Variants in SLIT1 observed in about 807,000 individuals in gnomAD.
The protein encoded by SLIT1 is slit homolog 1 protein.
Under a neutral mutation model 186.1 loss-of-function variants are expected in SLIT1, and 66 were observed. That is an observed-to-expected ratio of 0.35 (90% CI 0.29 to 0.44). The LOEUF (loss-of-function observed/expected upper bound fraction) is 0.44, where lower values mean the gene tolerates loss of function less well. Ranked by LOEUF, SLIT1 falls within the 20% of genes least tolerant of loss-of-function variation. SLIT1 has a pLI of 1.00. For missense variants in SLIT1, 1,638 were observed against 2,037.4 expected (o/e 0.80, Z 3.77); for synonymous variants, 761 against 833.8 (o/e 0.91, Z 1.50).
chr10:97,065,146 A>G (rs907633476), intron 5 of SLIT1, among the ~76,000 whole-genome samples: 40 of 24,094 alleles, frequency 1.7e-3, no homozygotes, highest in African/African-American at 2.3e-3. Context: ...CTACACACAC[A>G]CACACACACA....
chr10:97,080,992 C>A (rs536311898), intron 4 of SLIT1, among the ~76,000 whole-genome samples: 2 of 152,336 alleles, frequency 1.3e-5, no homozygotes, highest in South Asian at 4.1e-4. Flanking sequence ...TGGACTGGCT[C>A]AAGCCAGGTG....
chr10:97,149,261 G>A (rs897436457), intron 4 of SLIT1, among the ~76,000 whole-genome samples: 10 of 152,224 alleles, frequency 6.6e-5, no homozygotes, highest in Admixed American at 6.5e-4. Context: ...GGAGACTCCC[G>A]TGCCGGCCCA....
At chr10:97,143,940 G>A (rs1589409771) in intron 4 of SLIT1, among the ~76,000 whole-genome samples, 1 of 152,228 alleles carries the variant, frequency 6.6e-6, no homozygotes, top group East Asian at 1.9e-4. Context: ...GCTCACACCT[G>A]TAATCCCAGC....
At chr10:97,145,901 G>A (rs540547638) in intron 4 of SLIT1, among the ~76,000 whole-genome samples, 1 of 152,298 alleles carries the variant, frequency 6.6e-6, no homozygotes, top group East Asian at 1.9e-4. Context: ...GGCAGGAACA[G>A]GCCCAAACGC....
At chr10:97,012,527 G>C (rs987925102) in intron 30 of SLIT1, among the ~76,000 whole-genome samples, 1 of 152,238 alleles carries the variant, frequency 6.6e-6, no homozygotes, top group African/African-American at 2.4e-5. Context: ...TGCCCTTCGT[G>C]ATTGAGGGGC....
At chr10:97,065,273 G>A (rs1848934515) in intron 5 of SLIT1, among the ~76,000 whole-genome samples, 1 of 152,106 alleles carries the variant, frequency 6.6e-6, no homozygotes, top group African/African-American at 2.4e-5. Flanking sequence ...GTGCCAAAGA[G>A]GTTGACTAGA....
At chr10:97,054,983 C>T (rs1024946473) in intron 13 of SLIT1, among the ~76,000 whole-genome samples, 6 of 152,044 alleles carry the variant, frequency 3.9e-5, no homozygotes, top group African/African-American at 1.4e-4. Context: ...TTTGGGAGGC[C>T]GAGGCAGGTG....
In SLIT1 at chr10:96,999,084, G is replaced by T. The variant is rs527477671; in HGVS notation, c.*2028C>A. 1.3e-5 allele frequency: 2 copies of T among 152,234 alleles called. No homozygotes were observed. Among genetic ancestry groups the T allele is most frequent in the African/African-American group, 2.4e-5 (1 of 41,438 alleles). 9.4% of individuals were successfully genotyped at this position (152,234 alleles called of 1,614,324 possible). A position where few individuals can be genotyped will look rare whatever the true frequency, so the allele number is the denominator to read the frequency against. ...TGAGCTTTTCTGCCCTATCCAGCCC[G>T]GTGCAGATGCTCTGCAGGGTCCCAC... On this transcript the variant is annotated 3_prime_UTR_variant, in exon 37 of 37. Transcript: ENST00000266058.
chr10:97,158,881 AG>A (rs201012486), intron 3 of SLIT1, among the ~76,000 whole-genome samples: 104 of 149,422 alleles, frequency 7.0e-4, no homozygotes, highest in Admixed American at 8.0e-4. Flanking sequence ...GTCTCAGAGA[AG>A]AAAAAAAAAG....
In SLIT1 at chr10:97,184,018, CCACACACACACACA is replaced by C. The variant is rs36000443; in HGVS notation, c.197+1446_197+1459del. ...ATTCACACACACACATACACATGCA[CCACACACACACACA>C]CACACACACACACACACACACACAC... On this transcript the variant is annotated intron_variant, in intron 1 of 36. Transcript: ENST00000266058. The surrounding 1 kb of genome is among the most constrained non-coding windows in gnomAD (Gnocchi z 4.4). Among the ~76,000 whole-genome samples the C allele has an allele frequency of 1.0e-3, 147 of 142,584 alleles. No individual in the cohort carries two copies. Among genetic ancestry groups the C allele is most frequent in the Non-Finnish European group, 1.6e-3 (103 of 65,678 alleles). The allele number at this position is 142,584 out of a possible 152,430, so 93.5% of individuals were successfully genotyped here.
chr10:97,014,126 G>A lies in SLIT1; in HGVS notation c.3002C>T (p.Thr1001Ile). ...CSCPTGFEGP[T>I]CGVNTDDCVD... ...ACAGTCATCTGTGTTCACCCCACAG[G>A]TTGGTCCTTCAAAGCCGGTGGGACA... is the stretch of plus-strand genomic sequence containing the variant. Residue 1001 changes from threonine to isoleucine, a missense_variant, in exon 29 of 37, where the codon ACC becomes ATC. Coordinates refer to ENST00000266058, the MANE Select transcript of SLIT1 (RefSeq NM_003061.3). 2 of 1,614,052 alleles carry A rather than the reference G, an allele frequency of 1.2e-6. No individual in the cohort carries two copies. The highest frequency in any genetic ancestry group is 1.7e-6 in the Non-Finnish European group (2 of 1,180,040).
At chr10:97,135,075 G>GA (rs1421978863) in intron 4 of SLIT1, among the ~76,000 whole-genome samples, 3 of 152,188 alleles carry the variant, frequency 2.0e-5, no homozygotes, top group Admixed American at 6.5e-5. Context: ...TGTTACAAAT[G>GA]AAAAAGTAAA....
At chr10:97,119,380 C>T (rs938722522) in intron 4 of SLIT1, among the ~76,000 whole-genome samples, 2 of 152,158 alleles carry the variant, frequency 1.3e-5, no homozygotes, top group African/African-American at 4.8e-5. Context: ...TGGCTGCTGC[C>T]TCCGTGTTCT....
In SLIT1 at chr10:97,068,447, C is replaced by T. The variant is rs986594604; in HGVS notation, c.414-2361G>A. On this transcript the variant is annotated intron_variant, in intron 4 of 36. Transcript: ENST00000266058. This position sits in a 1 kb window ranked among gnomAD's most constrained non-coding sequence, Gnocchi z 4.2. ...CCCAAACCCAGCCCCTCTGTCCTGT[C>T]CCCTCACAGCCTTTAGAAAAGCAGC... is the stretch of plus-strand genomic sequence containing the variant. 1.3e-5 allele frequency among the ~76,000 whole-genome samples: 2 copies of T among 152,102 alleles called. No homozygotes were observed. Among genetic ancestry groups the T allele is most frequent in the African/African-American group, 4.8e-5 (2 of 41,404 alleles).
chr10:97,078,406 G>T (rs1005833668), intron 4 of SLIT1, among the ~76,000 whole-genome samples: 3 of 152,110 alleles, frequency 2.0e-5, no homozygotes, highest in Admixed American at 2.0e-4. Context: ...ACCTCATCAG[G>T]CAGAGACATT....
At chr10:97,080,019 T>C (rs923281004) in intron 4 of SLIT1, among the ~76,000 whole-genome samples, 2 of 152,006 alleles carry the variant, frequency 1.3e-5, no homozygotes, top group East Asian at 1.9e-4. Flanking sequence ...TGTTGTAAAA[T>C]AGAGAAAACA....
intron 11 of SLIT1, chr10:97,057,759 T>TA (rs1848854852): frequency 2.1e-6 from 1 of 475,646 alleles, no homozygotes; most frequent in Non-Finnish European, 3.8e-6. Context: ...ATTTTTTTTT[T>TA]ATACTTTAGC....
chr10:97,161,437 CAATCGG>C (rs1009001699), intron 3 of SLIT1, among the ~76,000 whole-genome samples: 1 of 152,174 alleles, frequency 6.6e-6, no homozygotes, highest in Non-Finnish European at 1.5e-5. Flanking sequence ...GGCAACGAGG[CAATCGG>C]ATTCTTTTCC....
rs111227726 is a variant in SLIT1 at position 97,031,049 on chromosome 10, A to G, written c.2511-221T>C. Among the ~76,000 whole-genome samples, 1,489 of 149,428 alleles carry G rather than the reference A, an allele frequency of 1.0e-2. 29 individuals are homozygous for G. Among genetic ancestry groups the G allele is most frequent in the African/African-American group, 0.036 (1,433 of 39,466 alleles). ...CCCAAGCCCTTCGGAGGACTGAAAC[A>G]CTGTGTTTACATTACAAACAGGACC... On this transcript the variant is annotated intron_variant, in intron 24 of 36. Coordinates refer to ENST00000266058, the MANE Select transcript of SLIT1 (RefSeq NM_003061.3).
Sources: allele counts gnomAD v4.1 joint callset (sites outside exome capture counted in the v4.1 genomes callset), GRCh38; gene constraint gnomAD v4.1.1; non-coding constraint Gnocchi (gnomAD v3.1); transcripts MANE v1.5; gene names NCBI Gene and HGNC (gene_info 2026-07-23, HGNC 2026-07-21).